TDRD5: variants seen among roughly 807,000 people sequenced by gnomAD.
The protein encoded by TDRD5 is tudor domain containing 5.
Under a neutral mutation model 120.6 loss-of-function variants are expected in TDRD5, and 41 were observed. The ratio of observed to expected loss-of-function variants is 0.34; its 90% CI spans 0.26 to 0.44. The LOEUF (loss-of-function observed/expected upper bound fraction) is 0.44, where lower values mean the gene tolerates loss of function less well. Among genes scored for constraint, TDRD5 ranks in the 20% least tolerant of loss-of-function variants. The pLI, the probability that TDRD5 is intolerant of heterozygous loss-of-function variation, is 1.00. For synonymous variants in TDRD5, 430 were observed against 433.7 expected, an observed-to-expected ratio of 0.99 and a Z score of 0.11; for missense variants, 1,006 against 1,221.2, an observed-to-expected ratio of 0.82 and a Z score of 2.63.
At chr1:179,654,779 G>T (rs556852080) in intron 14 of TDRD5, among the ~76,000 whole-genome samples, 1 of 151,772 alleles carries the variant, frequency 6.6e-6, no homozygotes, top group African/African-American at 2.4e-5. Flanking sequence ...AAAAAATAAA[G>T]TAAAATAAGT....
chr1:179,691,089 T>A lies in TDRD5; in HGVS notation c.*146T>A. ...CTGTGACTATATGTTAGCTTTATTA[T>A]GCTAACAGTCTACTTTGATGTGTAA... On this transcript the variant is annotated 3_prime_UTR_variant, in exon 18 of 18. Transcript: ENST00000444136. 7.7e-6 allele frequency: 8 copies of A among 1,038,216 alleles called. No homozygotes were observed. Among genetic ancestry groups the A allele is most frequent in the Non-Finnish European group, 1.1e-5 (8 of 743,506 alleles). 64.3% of individuals were successfully genotyped at this position (1,038,216 alleles called of 1,614,324 possible). A position where few individuals can be genotyped will look rare whatever the true frequency, so the allele number is the denominator to read the frequency against.
intron 11 of TDRD5, among the ~76,000 whole-genome samples, chr1:179,649,487 A>G (rs994914363): frequency 1.6e-4 from 25 of 151,890 alleles, no homozygotes; most frequent in African/African-American, 5.6e-4. Flanking sequence ...CACTTTACCA[A>G]TTTACTCTTT....
At chr1:179,653,857 A>G (rs184876701) in intron 13 of TDRD5, among the ~76,000 whole-genome samples, 1 of 152,278 alleles carries the variant, frequency 6.6e-6, no homozygotes, top group East Asian at 1.9e-4. Context: ...GTCCTCTTCT[A>G]TCAATCATAT....
chr1:179,690,987 G>T lies in TDRD5; in HGVS notation c.*44G>T, dbSNP rs1349332581. ...AGAAAAACAGAATCCAGCCGCTTAGGCTTTGATGAACTCCCAGGCCAAAAT... is the reference window on the plus strand; with the variant it reads ...AGAAAAACAGAATCCAGCCGCTTAGTCTTTGATGAACTCCCAGGCCAAAAT... On this transcript the variant is annotated 3_prime_UTR_variant, in exon 18 of 18. Transcript: ENST00000444136. 1 of 1,570,102 alleles carries T rather than the reference G, an allele frequency of 6.4e-7. No homozygotes were observed. The highest frequency in any genetic ancestry group is 1.9e-5 in the Admixed American group (1 of 53,264).
At chr1:179,628,783 A>G (rs1201396046) in intron 6 of TDRD5, among the ~76,000 whole-genome samples, 1 of 152,194 alleles carries the variant, frequency 6.6e-6, no homozygotes, top group Non-Finnish European at 1.5e-5. Flanking sequence ...AATAATTGAA[A>G]AAAGCAAGAT....
At chr1:179,634,380 T>C in intron 7 of TDRD5, 77 bp from the exon 8 acceptor site, 5 of 1,468,786 alleles carry the variant, frequency 3.4e-6, no homozygotes, top group Non-Finnish European at 4.6e-6. Context: ...TGTATAGCTA[T>C]TTTAACAAAT....
chr1:179,601,114 T>C (rs1675683335), intron 4 of TDRD5, among the ~76,000 whole-genome samples: 1 of 140,748 alleles, frequency 7.1e-6, no homozygotes, highest in South Asian at 2.4e-4. Flanking sequence ...GTCAATTAAG[T>C]CAGTTATGTC....
intron 4 of TDRD5, among the ~76,000 whole-genome samples, chr1:179,603,141 T>C (rs1238621632): frequency 1.3e-5 from 2 of 152,156 alleles, no homozygotes; most frequent in Non-Finnish European, 2.9e-5. Context: ...TTGCAGCTAT[T>C]GTGAAGGGGT....
At chr1:179,629,980 CTT>C (rs34963950) in intron 6 of TDRD5, among the ~76,000 whole-genome samples, 19 of 139,338 alleles carry the variant, frequency 1.4e-4, no homozygotes, top group Admixed American at 2.9e-4. Flanking sequence ...TTTATTCCAA[CTT>C]TTTTTTTTTT....
intron 11 of TDRD5, among the ~76,000 whole-genome samples, chr1:179,645,332 G>A (rs567745026): frequency 1.6e-4 from 25 of 151,816 alleles, no homozygotes; most frequent in Admixed American, 6.6e-4. Context: ...TGATCCGCCC[G>A]CCTCGGCCTC....
intron 11 of TDRD5, among the ~76,000 whole-genome samples, chr1:179,644,060 A>G (rs1678207067): frequency 6.6e-6 from 1 of 151,272 alleles, no homozygotes. Flanking sequence ...TTCTATATCT[A>G]GTGAAAATAT....
At chr1:179,656,565 TC>T (rs1355805340) in intron 14 of TDRD5, among the ~76,000 whole-genome samples, 1 of 152,230 alleles carries the variant, frequency 6.6e-6, no homozygotes, top group Non-Finnish European at 1.5e-5. Context: ...GTCCAACTGA[TC>T]CAGCATCCTT....
chr1:179,627,993 T>A (rs1677221217), intron 6 of TDRD5, among the ~76,000 whole-genome samples: 1 of 152,164 alleles, frequency 6.6e-6, no homozygotes, highest in Non-Finnish European at 1.5e-5. Flanking sequence ...ATAATGGCTC[T>A]TAACAACACC....
rs545508543 is a variant in TDRD5 at position 179,654,837 on chromosome 1, C to A, written c.2322+475C>A. On this transcript the variant is annotated intron_variant, in intron 14 of 17. Coordinates refer to ENST00000444136, the MANE Select transcript of TDRD5 (RefSeq NM_001199085.3). ...CAAGACTAAAGTTGTAGCAATATAACCTTGATCATAAAAAAAGGTATCTGG... is the reference window on the plus strand; with the variant it reads ...CAAGACTAAAGTTGTAGCAATATAAACTTGATCATAAAAAAAGGTATCTGG... 5.9e-5 allele frequency among the ~76,000 whole-genome samples: 9 copies of A among 151,924 alleles called. No individual in the cohort carries two copies. In the South Asian group the frequency reaches 1.9e-3, roughly 32 times the overall value.
chr1:179,670,976 T>A (rs940288872), intron 17 of TDRD5, among the ~76,000 whole-genome samples: 1 of 152,226 alleles, frequency 6.6e-6, no homozygotes, highest in African/African-American at 2.4e-5. Context: ...CATTTTCTTA[T>A]AAAATTTTTG....
chr1:179,671,948 T>TGGTG (rs1553334555), intron 17 of TDRD5, among the ~76,000 whole-genome samples: 2 of 118,502 alleles, frequency 1.7e-5, no homozygotes, highest in African/African-American at 6.7e-5. Flanking sequence ...AAATATTCCA[T>TGGTG]GGTGTGTGTG....
chr1:179,603,897 G>T (rs1675839883), intron 4 of TDRD5, among the ~76,000 whole-genome samples: 1 of 152,126 alleles, frequency 6.6e-6, no homozygotes, highest in African/African-American at 2.4e-5. Context: ...TTTATAGAAT[G>T]AATTAGGGAG....
chr1:179,596,385 G>A (rs777309128), intron 4 of TDRD5, among the ~76,000 whole-genome samples: 5 of 152,152 alleles, frequency 3.3e-5, no homozygotes, highest in Non-Finnish European at 7.4e-5. Context: ...TAAGTGCACA[G>A]TTCGAGTTTT....
Position 179,595,668 on chromosome 1 carries a change from A to G in TDRD5, c.681A>G (p.Ser227=). 1 of 1,612,490 alleles carries G rather than the reference A, an allele frequency of 6.2e-7. No homozygotes were observed. Among genetic ancestry groups the G allele is most frequent in the Non-Finnish European group, 8.5e-7 (1 of 1,179,410 alleles). The change falls in exon 4 of 18, where the codon TCA becomes TCG. Residue 227 remains serine, a synonymous_variant. Transcript: ENST00000444136. ...FTQPFRMKQG[S]YSTGFPVAKP... Reference sequence around the variant, plus strand: ...AGCCATTTAGAATGAAACAAGGGTCATACTCCACAGGCTTTCCGGTAGCAA... The same window carrying G: ...AGCCATTTAGAATGAAACAAGGGTCGTACTCCACAGGCTTTCCGGTAGCAA...
Sources: allele counts gnomAD v4.1 joint callset (sites outside exome capture counted in the v4.1 genomes callset), GRCh38; gene constraint gnomAD v4.1.1; transcripts MANE v1.5; gene names NCBI Gene and HGNC (gene_info 2026-07-23, HGNC 2026-07-21).